Variants in OLA1 observed in about 807,000 individuals in gnomAD.
OLA1 encodes Obg like ATPase 1.
A neutral mutation model predicts 48.4 loss-of-function variants in OLA1; 14 were observed. The ratio of observed to expected loss-of-function variants is 0.29; its 90% CI spans 0.19 to 0.45. OLA1 has a LOEUF of 0.45. OLA1 is among the 20% of genes least tolerant of loss of function. The pLI, the probability that OLA1 is intolerant of heterozygous loss-of-function variation, is 1.00. For missense variants in OLA1, 325 were observed against 467.1 expected (o/e 0.70, Z 2.80); for synonymous variants, 127 against 150.4 (o/e 0.84, Z 1.14).
At position 174,075,546 on chromosome 2, in the gene OLA1, G is replaced by A. The variant is rs775836370; in HGVS notation, c.1090-19C>T. 2.0e-6 allele frequency: 3 copies of A among 1,466,166 alleles called. No individual in the cohort carries two copies. In the African/African-American group the frequency reaches 4.2e-5, roughly 20 times the overall value. The allele number at this position is 1,466,166 out of a possible 1,614,324, so 90.8% of individuals were successfully genotyped here. On this transcript the variant is annotated intron_variant, in intron 10 of 10. Coordinates refer to ENST00000284719, the MANE Select transcript of OLA1 (RefSeq NM_013341.5). The stretch of plus-strand genomic sequence containing the variant: ...CAGCAGCCTGCAAACAGAAAATATA[G>A]AGGAAATGGGTTATTAGTTTACAAC...
intron 4 of OLA1, among the ~76,000 whole-genome samples, chr2:174,168,410 G>A (rs762505591): frequency 2.0e-5 from 3 of 151,714 alleles, no homozygotes; most frequent in East Asian, 1.9e-4. Flanking sequence ...AAACAAACCC[G>A]CTACACATAT....
intron 5 of OLA1, among the ~76,000 whole-genome samples, chr2:174,132,781 C>T (rs1686213802): frequency 6.6e-6 from 1 of 151,848 alleles, no homozygotes; most frequent in Admixed American, 6.6e-5. Flanking sequence ...GTAAATGTTC[C>T]ATTTGTACTT....
intron 10 of OLA1, among the ~76,000 whole-genome samples, chr2:174,077,120 A>T (rs1371679161): frequency 1.3e-5 from 2 of 152,116 alleles, no homozygotes; most frequent in African/African-American, 4.8e-5. Context: ...GTGAATCTTG[A>T]GTATGTATTA....
chr2:174,206,260 C>G (rs1192791948), intron 4 of OLA1, among the ~76,000 whole-genome samples: 3 of 152,232 alleles, frequency 2.0e-5, no homozygotes, highest in African/African-American at 7.2e-5. Flanking sequence ...AAGTTGGGCA[C>G]AGTGGTGCAA....
At chr2:174,229,959 G>GT (rs917882451) in intron 2 of OLA1, among the ~76,000 whole-genome samples, 84 of 152,280 alleles carry the variant, frequency 5.5e-4, no homozygotes, top group African/African-American at 1.9e-3. Flanking sequence ...TCATTAGTAT[G>GT]TAAGGATTAC....
chr2:174,247,986 C>T (rs1689165206), intron 1 of OLA1: 4 of 536,908 alleles, frequency 7.5e-6, no homozygotes, highest in Non-Finnish European at 9.7e-6. Context: ...CCTAGGACCA[C>T]GCTGGGGCCC....
At chr2:174,198,739 CCA>C (rs1687930370) in intron 4 of OLA1, among the ~76,000 whole-genome samples, 1 of 152,292 alleles carries the variant, frequency 6.6e-6, no homozygotes, top group East Asian at 1.9e-4. Flanking sequence ...CAAGATCACA[CCA>C]CTACACTCCA....
At chr2:174,184,553 A>T (rs1267099984) in intron 4 of OLA1, among the ~76,000 whole-genome samples, 1 of 152,232 alleles carries the variant, frequency 6.6e-6, no homozygotes, top group African/African-American at 2.4e-5. Flanking sequence ...GATATCCTGG[A>T]TTGAATCCTG....
intron 7 of OLA1, among the ~76,000 whole-genome samples, chr2:174,095,884 C>T (rs960843747): frequency 6.6e-6 from 1 of 151,938 alleles, no homozygotes; most frequent in Non-Finnish European, 1.5e-5. Context: ...ATAGACAGGT[C>T]TCCCTGGAGA....
At chr2:174,182,262 C>G (rs767758710) in intron 4 of OLA1, among the ~76,000 whole-genome samples, 25 of 152,162 alleles carry the variant, frequency 1.6e-4, no homozygotes, top group Non-Finnish European at 3.4e-4. Context: ...CGGTGGCTCA[C>G]GCCTGTAATC....
At chr2:174,138,148 C>A (rs1396877744) in intron 5 of OLA1, among the ~76,000 whole-genome samples, 1 of 152,250 alleles carries the variant, frequency 6.6e-6, no homozygotes, top group Non-Finnish European at 1.5e-5. Context: ...GTGCAAAAGA[C>A]CTGGCTTTCA....
chr2:174,177,134 G>C (rs1687438904), intron 4 of OLA1, among the ~76,000 whole-genome samples: 1 of 152,040 alleles, frequency 6.6e-6, no homozygotes, highest in African/African-American at 2.4e-5. Context: ...TCACAGTTTG[G>C]AACTAGATCT....
At chr2:174,192,541 T>C (rs1687795992) in intron 4 of OLA1, among the ~76,000 whole-genome samples, 1 of 152,186 alleles carries the variant, frequency 6.6e-6, no homozygotes, top group Admixed American at 6.5e-5. Context: ...TCAAAGCCTA[T>C]AATATTTATT....
intron 7 of OLA1, among the ~76,000 whole-genome samples, chr2:174,101,463 A>G (rs764292826): frequency 7.9e-5 from 12 of 152,134 alleles, no homozygotes; most frequent in Non-Finnish European, 1.6e-4. Context: ...GCTGGTGGCT[A>G]CTCTACTTAA....
At chr2:174,110,112 T>TTTTTC (rs1558958181) in intron 7 of OLA1, among the ~76,000 whole-genome samples, 1 of 149,968 alleles carries the variant, frequency 6.7e-6, no homozygotes, top group East Asian at 2.0e-4. Flanking sequence ...TTTTTTTTTT[T>TTTTTC]TGAGACAAAG....
intron 7 of OLA1, among the ~76,000 whole-genome samples, chr2:174,106,940 T>C (rs1221906494): frequency 6.6e-6 from 1 of 152,154 alleles, no homozygotes. Flanking sequence ...GGAGGCTCTT[T>C]ATCTTCCCAG....
intron 4 of OLA1, among the ~76,000 whole-genome samples, chr2:174,188,002 A>C (rs1159173267): frequency 6.6e-6 from 1 of 152,202 alleles, no homozygotes; most frequent in Non-Finnish European, 1.5e-5. Flanking sequence ...GTCTGTCAGC[A>C]AGCTGGAATG....
At chr2:174,227,269 TA>T (rs1688636998) in intron 3 of OLA1, among the ~76,000 whole-genome samples, 1 of 151,704 alleles carries the variant, frequency 6.6e-6, no homozygotes, top group Admixed American at 6.6e-5. Context: ...AAGGAAAAAA[TA>T]AGATAAAACA....
intron 4 of OLA1, among the ~76,000 whole-genome samples, chr2:174,145,154 G>A (rs1455620447): frequency 6.6e-6 from 1 of 151,232 alleles, no homozygotes; most frequent in Non-Finnish European, 1.5e-5. Context: ...GTGTTCAGCA[G>A]AGAGCCCAAC....
Sources: allele counts gnomAD v4.1 joint callset (sites outside exome capture counted in the v4.1 genomes callset), GRCh38; gene constraint gnomAD v4.1.1; transcripts MANE v1.5; gene names NCBI Gene and HGNC (gene_info 2026-07-23, HGNC 2026-07-21).